CDH2: variants seen among roughly 807,000 people sequenced by gnomAD.
CDH2 encodes cadherin-2.
A neutral mutation model predicts 92.0 loss-of-function variants in CDH2; 17 were observed. The ratio of observed to expected loss-of-function variants is 0.18; its 90% confidence interval spans 0.13 to 0.28. CDH2 has a LOEUF of 0.28. Ranked by LOEUF, CDH2 falls within the 10% of genes least tolerant of loss-of-function variation. The probability of loss-of-function intolerance (pLI) is 1.00; values close to 1 mark genes in which losing one functional copy is unlikely to be tolerated. For synonymous variants in CDH2, 419 were observed against 415.9 expected, an observed-to-expected ratio of 1.01 and a Z score of -0.09; for missense variants, 862 against 1,133.1, an observed-to-expected ratio of 0.76 and a Z score of 3.44.
Position 28,107,667 on chromosome 18 carries a change from A to G in CDH2, c.172+40006T>C, listed in dbSNP as rs190239662. ...TCTCAACTGTATAAAGAAGCAGTCAATAAAACACAGAGCATACCAGGAAAG... is the reference window on the plus strand; with the variant it reads ...TCTCAACTGTATAAAGAAGCAGTCAGTAAAACACAGAGCATACCAGGAAAG... On this transcript the variant is annotated intron_variant, in intron 2 of 15. Coordinates refer to ENST00000269141, the MANE Select transcript of CDH2 (RefSeq NM_001792.5). Among the ~76,000 whole-genome samples, 3 of 152,316 alleles carry G rather than the reference A, an allele frequency of 2.0e-5. No individual in the cohort carries two copies. The East Asian group carries it at 5.8e-4, about 29-fold the overall frequency.
At chr18:28,095,933 G>C (rs779693326) in intron 2 of CDH2, among the ~76,000 whole-genome samples, 1 of 151,874 alleles carries the variant, frequency 6.6e-6, no homozygotes, top group Non-Finnish European at 1.5e-5. Context: ...AAACTGGAGA[G>C]AGGCATAAAG....
chr18:28,115,292 G>A (rs2015478289), intron 2 of CDH2, among the ~76,000 whole-genome samples: 1 of 152,128 alleles, frequency 6.6e-6, no homozygotes, highest in African/African-American at 2.4e-5. Flanking sequence ...CACAAAAAAT[G>A]CCTTGTGGGA....
rs777376757 is a variant in CDH2 at position 27,993,557 on chromosome 18, C to T, written c.1101G>A (p.Thr367=). Residue 367 remains threonine (T), a synonymous_variant, in exon 8 of 16, where the codon ACG becomes ACA. Coordinates refer to ENST00000269141, the MANE Select transcript of CDH2 (RefSeq NM_001792.5). Reference sequence around the variant, plus strand: ...TGACATCTGTCACTGTGATGACGGCCGTGGCTGTGTTTGAAAGGCCATATG... The same window carrying T: ...TGACATCTGTCACTGTGATGACGGCTGTGGCTGTGTTTGAAAGGCCATATG... ...NPTYGLSNTA[T]AVITVTDVND... 13 of 1,614,074 alleles carry T rather than the reference C, an allele frequency of 8.1e-6. No individual in the cohort carries two copies. Among genetic ancestry groups the T allele is most frequent in the Non-Finnish European group, 1.1e-5 (13 of 1,179,966 alleles).
At chr18:28,039,718 C>T (rs1439478322) in intron 2 of CDH2, among the ~76,000 whole-genome samples, 1 of 152,118 alleles carries the variant, frequency 6.6e-6, no homozygotes, top group Non-Finnish European at 1.5e-5. Context: ...CTCCTTACCA[C>T]TAATTTGTAA....
chr18:28,151,410 C>T (rs948540079), intron 1 of CDH2, among the ~76,000 whole-genome samples: 6 of 152,166 alleles, frequency 3.9e-5, no homozygotes, highest in African/African-American at 1.4e-4. Context: ...AGGGAATTTG[C>T]TAACCATTAT....
rs745411164 is a variant in CDH2 at position 27,993,599 on chromosome 18, G to A, written c.1059C>T (p.Asp353=). ...GGCCATATGTGGGATTGCCTTCCAT[G>A]TCTGTAGCTTGAATTATTAACGTAT... is the stretch of plus-strand genomic sequence containing the variant. The part of the protein sequence containing the change: ...QQYTLIIQAT[D]MEGNPTYGLS... The change falls in exon 8 of 16, where the codon GAC becomes GAT. Residue 353 remains aspartate (D), a synonymous_variant. Transcript: ENST00000269141. 1.2e-6 allele frequency: 2 copies of A among 1,613,256 alleles called. No homozygotes were observed. The highest frequency in any genetic ancestry group is 1.7e-6 in the Non-Finnish European group (2 of 1,179,206).
intron 14 of CDH2, among the ~76,000 whole-genome samples, chr18:27,978,340 G>T (rs930589852): frequency 6.6e-6 from 1 of 152,192 alleles, no homozygotes; most frequent in African/African-American, 2.4e-5. Flanking sequence ...ACATGGGATT[G>T]ACTCAAGAAC....
intron 2 of CDH2, among the ~76,000 whole-genome samples, chr18:28,029,374 A>T (rs528461506): frequency 3.3e-5 from 5 of 152,274 alleles, no homozygotes; most frequent in Non-Finnish European, 5.9e-5. Flanking sequence ...AGTTATTTTT[A>T]TTTAGAAATT....
chr18:28,135,810 G>A (rs1447616354), intron 2 of CDH2, among the ~76,000 whole-genome samples: 1 of 152,110 alleles, frequency 6.6e-6, no homozygotes, highest in African/African-American at 2.4e-5. Context: ...ATTTCATTAA[G>A]GTGGTCCATT....
intron 2 of CDH2, among the ~76,000 whole-genome samples, chr18:28,069,684 C>T (rs767390816): frequency 6.6e-6 from 1 of 152,142 alleles, no homozygotes; most frequent in Non-Finnish European, 1.5e-5. Context: ...GTTATAAGCA[C>T]ACACTGAGAG....
intron 2 of CDH2, among the ~76,000 whole-genome samples, chr18:28,140,602 C>T (rs2015936270): frequency 6.6e-6 from 1 of 151,820 alleles, no homozygotes; most frequent in Admixed American, 6.6e-5. Flanking sequence ...GAAGCAGGCC[C>T]TCACCAGACA....
intron 1 of CDH2, among the ~76,000 whole-genome samples, chr18:28,175,791 G>A (rs1189016311): frequency 1.3e-5 from 2 of 152,236 alleles, no homozygotes; most frequent in East Asian, 1.9e-4. Context: ...CCCCGAGGGC[G>A]ACAGGCAGGG....
Position 27,990,235 on chromosome 18 carries a change from G to A in CDH2, c.1460C>T (p.Thr487Ile), listed in dbSNP as rs1327331010. ...AGGGTTTTCATTTACGTCAATAACT[G>A]TAACAGACACGGTTGCAGTTGACTG... is the stretch of plus-strand genomic sequence containing the variant. The part of the protein sequence containing the change: ...PPQSTATVSV[T>I]VIDVNENPYF... The change falls in exon 10 of 16, where the codon ACA (threonine) becomes ATA (isoleucine). Residue 487 changes from threonine (T) to isoleucine (I), a missense_variant. Physicochemically the swap from Thr to Ile is moderately conservative, Grantham distance 89. Around this residue, in one of 5 missense-constraint regions of CDH2, gnomAD observed 564 missense variants for 722.2 expected, o/e 0.78. Transcript: ENST00000269141. 2 of 1,614,154 alleles carry A rather than the reference G, an allele frequency of 1.2e-6. No homozygotes were observed. Among genetic ancestry groups the A allele is most frequent in the South Asian group, 2.2e-5 (2 of 91,088 alleles).
At chr18:27,959,339 G>A (rs951081440) in intron 15 of CDH2, among the ~76,000 whole-genome samples, 1 of 152,124 alleles carries the variant, frequency 6.6e-6, no homozygotes, top group Non-Finnish European at 1.5e-5. Flanking sequence ...ACTAGAAAAT[G>A]TTCTCATGAG....
chr18:28,160,957 C>G (rs1474397211), intron 1 of CDH2, among the ~76,000 whole-genome samples: 2 of 152,096 alleles, frequency 1.3e-5, no homozygotes, highest in Non-Finnish European at 2.9e-5. Context: ...GATCCTTGTC[C>G]TTCTTGAGGT....
At chr18:28,063,975 C>T (rs576845013) in intron 2 of CDH2, among the ~76,000 whole-genome samples, 1 of 152,250 alleles carries the variant, frequency 6.6e-6, no homozygotes, top group African/African-American at 2.4e-5. Context: ...CCTTTAAGAT[C>T]GACTTAGACA....
rs2013157656 is a variant in CDH2, at chr18:28,013,608, G to C, written c.399+75C>G. On this transcript the variant is annotated intron_variant, in intron 3 of 15. Transcript: ENST00000269141. ...TGGCCATCCATTAATGTGGTCTGAA[G>C]CAAAGCATATATTTAGTTCAAACTG... The C allele has an allele frequency of 4.8e-6, 5 of 1,047,890 alleles. No homozygotes were observed. The South Asian group carries it at 6.5e-5, about 14-fold the overall frequency. The allele number at this position is 1,047,890 out of a possible 1,614,324, so 64.9% of individuals were successfully genotyped here. A position where few individuals can be genotyped will look rare whatever the true frequency, so the allele number is the denominator to read the frequency against.
chr18:27,988,487 T>G (rs1567951463), intron 11 of CDH2, 37 bp downstream of exon 11: 1 of 1,583,026 alleles, frequency 6.3e-7, no homozygotes, highest in Non-Finnish European at 8.7e-7. Flanking sequence ...GGATCTACTG[T>G]CTTTCATCAA....
chr18:28,145,479 C>T (rs1210406803), intron 2 of CDH2, among the ~76,000 whole-genome samples: 1 of 152,064 alleles, frequency 6.6e-6, no homozygotes, highest in Non-Finnish European at 1.5e-5. Context: ...TACTGCAGTA[C>T]ACAGAATTCA....
Sources: gnomAD v4.1 joint callset for allele counts (sites outside exome capture counted in the v4.1 genomes callset) on GRCh38, gnomAD v4.1.1 for gene constraint, gnomAD v4.1.1 regional missense constraint, MANE v1.5 for transcripts, NCBI Gene and HGNC (gene_info 2026-07-23, HGNC 2026-07-21) for gene names.